The following MYBPC2 variants were observed in gnomAD, a reference collection of about 807,000 sequenced individuals.
The protein encoded by MYBPC2 is myosin-binding protein C, fast-type.
In MYBPC2, 122 loss-of-function variants were observed where a neutral mutation model predicts 137.0. The observed-to-expected ratio is 0.89, with a 90% CI of 0.77 to 1.03. The LOEUF (loss-of-function observed/expected upper bound fraction) is 1.03, where lower values mean the gene tolerates loss of function less well. Among genes scored for constraint, MYBPC2 ranks in the 50% least tolerant of loss-of-function variants. The probability of loss-of-function intolerance (pLI) is 0.00; values close to 1 mark genes in which losing one functional copy is unlikely to be tolerated. For synonymous variants in MYBPC2, 626 were observed against 612.3 expected (o/e 1.02, Z -0.33); for missense variants, 1,500 against 1,534.4 (o/e 0.98, Z 0.37).
rs867994325 is a variant in MYBPC2, at chr19:50,455,163, T to G, written c.2070T>G (p.Phe690Leu). 2 of 1,613,816 alleles carry G rather than the reference T, an allele frequency of 1.2e-6. No homozygotes were observed. Among genetic ancestry groups the G allele is most frequent in the African/African-American group, 1.3e-5 (1 of 74,978 alleles). Reference protein sequence around the residue: ...KGSQRWMKLNFEVFTETTYES... With the variant: ...KGSQRWMKLNLEVFTETTYES... ...CTCAGCGCTGGATGAAGCTGAACTT[T>G]GAGGTCTTCACAGAGACCACCTATG... The change falls in exon 19 of 28, where the codon TTT becomes TTG. Residue 690 changes from phenylalanine to leucine, a missense_variant. By Grantham distance (22) the Phe-to-Leu change is conservative. Transcript: ENST00000357701.
rs1200732906 is a variant in MYBPC2 at position 50,450,909 on chromosome 19, C to T, written c.1553C>T (p.Ser518Leu). 30 of 1,572,520 alleles carry T rather than the reference C, an allele frequency of 1.9e-5. No homozygotes were observed. Among genetic ancestry groups the T allele is most frequent in the Middle Eastern group, 1.7e-4 (1 of 6,038 alleles). The change falls in exon 14 of 28, where the codon TCG becomes TTG. Residue 518 changes from serine to leucine, a missense_variant. By Grantham distance (145) the Ser-to-Leu change is moderately radical (BLOSUM62 -2). Transcript: ENST00000357701. ...TTTGTGCCTGACGGCTACGCCCTGT[C>T]GCTCTCGGCCAAGCTCAACTTCCTG... ...YTFVPDGYAL[S>L]LSAKLNFLEI...
chr19:50,463,160 A>G (rs892979478), intron 26 of MYBPC2, among the ~76,000 whole-genome samples: 4 of 152,218 alleles, frequency 2.6e-5, no homozygotes, highest in South Asian at 2.1e-4. Context: ...TTATTGGAAC[A>G]CGGGCCAAGC....
chr19:50,451,016 G>T, intron 14 of MYBPC2, 81 bp downstream of exon 14: 1 of 1,324,064 alleles, frequency 7.6e-7, no homozygotes, highest in Non-Finnish European at 1.1e-6. Context: ...CCCTCTCCAG[G>T]ATTAAGGTTC....
chr19:50,458,570 A>C lies in MYBPC2; in HGVS notation c.2339-17A>C, dbSNP rs959718247. The C allele has an allele frequency of 1.2e-6, 2 of 1,609,220 alleles. No individual in the cohort carries two copies. Among genetic ancestry groups the C allele is most frequent in the Non-Finnish European group, 1.7e-6 (2 of 1,179,532 alleles). ...GGAGGAGGGCACGAGATCCGCCAGCAGGGCCTCTCTCTCCAGCCGAGGAAT... is the reference window on the plus strand; with the variant it reads ...GGAGGAGGGCACGAGATCCGCCAGCCGGGCCTCTCTCTCCAGCCGAGGAAT... On this transcript the variant is annotated splice_polypyrimidine_tract_variant and intron_variant, in intron 20 of 27. Coordinates refer to ENST00000357701, the MANE Select transcript of MYBPC2 (RefSeq NM_004533.4).
rs746024264 is a variant in MYBPC2, at chr19:50,437,508, A to G, written c.499A>G (p.Ser167Gly). 5 of 1,610,820 alleles carry G rather than the reference A, an allele frequency of 3.1e-6. No individual in the cohort carries two copies. In the African/African-American group the frequency reaches 5.3e-5, roughly 17 times the overall value. The change falls in exon 6 of 28, where the codon AGC becomes GGC. Residue 167 changes from serine (S) to glycine (G), a missense_variant. By Grantham distance (56) the Ser-to-Gly change is moderately conservative. Coordinates refer to ENST00000357701, the MANE Select transcript of MYBPC2 (RefSeq NM_004533.4). ...RQDASGQSLE[S>G]FKRTSEKKSD... Reference sequence around the variant, plus strand: ...GGATGCCTCTGGGCAGAGTCTAGAAAGCTTCAAGCGTACGTAAGTGACCCC... The same window carrying G: ...GGATGCCTCTGGGCAGAGTCTAGAAGGCTTCAAGCGTACGTAAGTGACCCC...
chr19:50,432,964 CA>C lies in MYBPC2; in HGVS notation c.15del (p.Lys5AsnfsTer51). The C allele has an allele frequency of 6.2e-7, 1 of 1,603,938 alleles. No individual in the cohort carries two copies. Among genetic ancestry groups the C allele is most frequent in the East Asian group, 2.3e-5 (1 of 44,374 alleles). On this transcript the variant is annotated frameshift_variant, in exon 1 of 28. Transcript: ENST00000357701. LOFTEE classifies it high-confidence loss of function. The surrounding 1 kb of genome is among the most constrained non-coding windows in gnomAD (Gnocchi z 5.5). Reference sequence around the variant, plus strand: ...AGGAGGTCCCCCGACATGCCTGAGGCAAAACCAGGTGGCGCCAGGACCCCCT... The same window carrying C: ...AGGAGGTCCCCCGACATGCCTGAGGCAAACCAGGTGGCGCCAGGACCCCCT... MPE[A>X]KPAAKKAPKG...
chr19:50,461,919 C>G lies in MYBPC2; in HGVS notation c.3111C>G (p.Phe1037Leu), dbSNP rs368309843. 1.9e-6 allele frequency: 3 copies of G among 1,597,372 alleles called. No homozygotes were observed. The highest frequency in any genetic ancestry group is 2.3e-5 in the East Asian group (1 of 44,186). ...CCCCAGGAATCACCTTCAAACCGTT[C>G]GAGTATAAGGAGCATGACTTCCGGA... ...ILKTGITFKP[F>L]EYKEHDFRMA... The change falls in exon 26 of 28, where the codon TTC becomes TTG. Residue 1037 changes from phenylalanine to leucine, a missense_variant. Physicochemically the swap from Phe to Leu is conservative, Grantham distance 22 (BLOSUM62 0). Coordinates refer to ENST00000357701, the MANE Select transcript of MYBPC2 (RefSeq NM_004533.4).
intron 11 of MYBPC2, 132 bp from the exon 12 acceptor site, chr19:50,445,748 C>A: frequency 1.1e-6 from 1 of 877,482 alleles, no homozygotes; most frequent in Non-Finnish European, 1.7e-6. Context: ...ATGCCTCTGC[C>A]ACTCATTATG....
chr19:50,456,435 C>CTCTT (rs1555797770), intron 20 of MYBPC2, among the ~76,000 whole-genome samples: 1 of 132,418 alleles, frequency 7.6e-6, no homozygotes, highest in Non-Finnish European at 1.6e-5. Flanking sequence ...CTCTCTCTCT[C>CTCTT]TTTTTTTTTT....
Position 50,455,360 on chromosome 19 carries a change from G to A in MYBPC2, c.2203+64G>A, listed in dbSNP as rs554665283. ...TGGATCACTCTGATCCATCAACCCC[G>A]TCCACCTCTGGCCCATCTTTTGCCC... On this transcript the variant is annotated intron_variant, in intron 19 of 27. Transcript: ENST00000357701. 3.2e-5 allele frequency: 50 copies of A among 1,572,496 alleles called. No homozygotes were observed. The East Asian group carries it at 7.0e-4, about 22-fold the overall frequency.
chr19:50,458,794 GGCGTCGTCCCGCCTGCCCTTTCC>G (rs1285869063), intron 21 of MYBPC2, 40 bp downstream of exon 21: 1 of 1,604,322 alleles, frequency 6.2e-7, no homozygotes, highest in African/African-American at 1.3e-5. Flanking sequence ...AGACCAAGCT[GGCGTCGTCCCGCCTGCCCTTTCC>G]GTGTCGTCGA....
intron 5 of MYBPC2, 54 bp downstream of exon 5, chr19:50,436,788 C>G: frequency 6.6e-7 from 1 of 1,519,772 alleles, no homozygotes; most frequent in Non-Finnish European, 9.1e-7. Flanking sequence ...GTGGGGTGGA[C>G]AGATGTACCA....
intron 5 of MYBPC2, 115 bp from the exon 6 acceptor site, chr19:50,437,358 A>T: frequency 8.5e-7 from 1 of 1,176,792 alleles, no homozygotes; most frequent in South Asian, 1.4e-5. Context: ...TGCTGGTCCA[A>T]GAGATGGAGA....
At position 50,459,221 on chromosome 19, in the gene MYBPC2, G is replaced by A. The variant is rs770928854; in HGVS notation, c.2706G>A (p.Ala902=). The A allele has an allele frequency of 6.1e-5, 98 of 1,611,154 alleles. No homozygotes were observed. Among genetic ancestry groups the A allele is most frequent in the Middle Eastern group, 5.0e-4 (3 of 6,058 alleles). ...ACACCGTGTTCTTCGTGCGCCAGGC[G>A]GCCCGCTCCGACTCCGGGGAGTACG... ...DFDTVFFVRQ[A]ARSDSGEYEL... Residue 902 remains alanine (A), a synonymous_variant, in exon 23 of 28, where the codon GCG becomes GCA. Coordinates refer to ENST00000357701, the MANE Select transcript of MYBPC2 (RefSeq NM_004533.4).
chr19:50,434,339 G>A lies in MYBPC2; in HGVS notation c.20-822G>A, dbSNP rs568867189. On this transcript the variant is annotated intron_variant, in intron 1 of 27. Coordinates refer to ENST00000357701, the MANE Select transcript of MYBPC2 (RefSeq NM_004533.4). ...GCCACTGCACTCCAGCCTGGGAGACGGAGCGAGACCCTGCTGGGAAAAAAC... is the reference window on the plus strand; with the variant it reads ...GCCACTGCACTCCAGCCTGGGAGACAGAGCGAGACCCTGCTGGGAAAAAAC... 3.9e-5 allele frequency among the ~76,000 whole-genome samples: 6 copies of A among 152,216 alleles called. No homozygotes were observed. In the East Asian group the frequency reaches 7.7e-4, roughly 20 times the overall value.
intron 26 of MYBPC2, among the ~76,000 whole-genome samples, chr19:50,462,547 AATC>A (rs1331235269): frequency 6.6e-6 from 1 of 151,816 alleles, no homozygotes; most frequent in Non-Finnish European, 1.5e-5. Flanking sequence ...AGTCTCAGAC[AATC>A]AATCACATCT....
Position 50,450,893 on chromosome 19 carries a change from G to A in MYBPC2, c.1537G>A (p.Asp513Asn). The A allele has an allele frequency of 6.3e-7, 1 of 1,578,614 alleles. No homozygotes were observed. Among genetic ancestry groups the A allele is most frequent in the Non-Finnish European group, 8.6e-7 (1 of 1,162,560 alleles). Residue 513 changes from aspartate to asparagine, a missense_variant, in exon 14 of 28, where the codon GAC becomes AAC. Coordinates refer to ENST00000357701, the MANE Select transcript of MYBPC2 (RefSeq NM_004533.4). ...EDEGDYTFVPDGYALSLSAKL... is the reference protein window; with the variant it reads ...EDEGDYTFVPNGYALSLSAKL... ...TGAGGGAGACTACACGTTTGTGCCTGACGGCTACGCCCTGTCGCTCTCGGC... is the reference window on the plus strand; with the variant it reads ...TGAGGGAGACTACACGTTTGTGCCTAACGGCTACGCCCTGTCGCTCTCGGC...
chr19:50,443,757 T>G lies in MYBPC2; in HGVS notation c.1074T>G (p.Phe358Leu). The change falls in exon 11 of 28, where the codon TTT (phenylalanine) becomes TTG (leucine). Residue 358 changes from phenylalanine (F) to leucine (L), a missense_variant. Phe to Leu is a conservative substitution (Grantham distance 22, BLOSUM62 0). Coordinates refer to ENST00000357701, the MANE Select transcript of MYBPC2 (RefSeq NM_004533.4). The part of the protein sequence containing the change: ...IVTPLEDQQV[F>L]VGDRVEMAVE... ...CACCTCTTGAGGACCAGCAGGTGTTTGTGGGTGACCGGGTGGAAATGGCAG... is the reference window on the plus strand; with the variant it reads ...CACCTCTTGAGGACCAGCAGGTGTTGGTGGGTGACCGGGTGGAAATGGCAG... The G allele has an allele frequency of 6.2e-7, 1 of 1,613,908 alleles. No individual in the cohort carries two copies. The highest frequency in any genetic ancestry group is 8.5e-7 in the Non-Finnish European group (1 of 1,179,862).
Position 50,450,921 on chromosome 19 carries a change from A to G in MYBPC2, c.1565A>G (p.Lys522Arg), listed in dbSNP as rs1408351786. ...GGCTACGCCCTGTCGCTCTCGGCCA[A>G]GCTCAACTTCCTGGGTGAGGATGCC... ...PDGYALSLSAKLNFLEIKVEY... is the reference protein window; with the variant it reads ...PDGYALSLSARLNFLEIKVEY... The change falls in exon 14 of 28, where the codon AAG becomes AGG. Residue 522 changes from lysine to arginine, a missense_variant. Transcript: ENST00000357701. 2 of 1,568,102 alleles carry G rather than the reference A, an allele frequency of 1.3e-6. No individual in the cohort carries two copies. Among genetic ancestry groups the G allele is most frequent in the South Asian group, 1.2e-5 (1 of 84,874 alleles).
Sources: allele counts gnomAD v4.1 joint callset (sites outside exome capture counted in the v4.1 genomes callset), GRCh38; gene constraint gnomAD v4.1.1; non-coding constraint Gnocchi (gnomAD v3.1); transcripts MANE v1.5; gene names NCBI Gene and HGNC (gene_info 2026-07-23, HGNC 2026-07-21).